TOGARAM2: variants seen among roughly 807,000 people sequenced by gnomAD.
TOGARAM2 encodes the protein TOG array regulator of axonemal microtubules protein 2.
A neutral mutation model predicts 93.3 loss-of-function variants in TOGARAM2; 85 were observed. The ratio of observed to expected loss-of-function variants is 0.91; its 90% CI spans 0.76 to 1.09. TOGARAM2 has a LOEUF of 1.09. Ranked by LOEUF, TOGARAM2 falls within the 50% of genes least tolerant of loss-of-function variation. TOGARAM2 has a pLI of 0.00. For missense variants in TOGARAM2, 1,277 were observed against 1,334.5 expected (o/e 0.96, Z 0.67); for synonymous variants, 593 against 552.8 (o/e 1.07, Z -1.02).
rs1671726866 is a variant in TOGARAM2 at position 28,956,961 on chromosome 2, C to T, written c.-147+264C>T. 6.6e-6 allele frequency among the ~76,000 whole-genome samples: 1 copy of T among 151,892 alleles called. No individual in the cohort carries two copies. The highest frequency in any genetic ancestry group is 2.4e-5 in the African/African-American group (1 of 41,372). On this transcript the variant is annotated intron_variant, in intron 1 of 6. Transcript: ENST00000401723. This position sits in a 1 kb window ranked among gnomAD's most constrained non-coding sequence, Gnocchi z 4.5. ...CCAACATGGCGAACCCCTGTCTCTA[C>T]TAAAAGTACAAAAATTGGCCGGGAA...
chr2:29,005,087 T>C (rs1247231887), intron 6 of TOGARAM2, among the ~76,000 whole-genome samples: 1 of 86,366 alleles, frequency 1.2e-5, no homozygotes, highest in African/African-American at 3.9e-5. Flanking sequence ...CATGTGTATG[T>C]GTGAGTGCAT....
chr2:28,986,419 G>T (rs943570933), intron 1 of TOGARAM2, among the ~76,000 whole-genome samples: 4 of 152,094 alleles, frequency 2.6e-5, no homozygotes, highest in African/African-American at 9.7e-5. Flanking sequence ...CACATTCCTC[G>T]GCTGCGTTGG....
At chr2:29,001,510 T>A (rs1026492966) in intron 4 of TOGARAM2, among the ~76,000 whole-genome samples, 4 of 151,942 alleles carry the variant, frequency 2.6e-5, no homozygotes, top group African/African-American at 9.7e-5. Context: ...TAATCTTTTT[T>A]TTTTTTTTGA....
chr2:29,033,711 A>C, intron 16 of TOGARAM2, 148 bp downstream of exon 16: 1 of 674,962 alleles, frequency 1.5e-6, no homozygotes, highest in Non-Finnish European at 2.5e-6. Flanking sequence ...CTAATAGATG[A>C]ATTTGCAGGA....
At chr2:29,037,604 G>A (rs1241724985) in intron 18 of TOGARAM2, among the ~76,000 whole-genome samples, 2 of 152,006 alleles carry the variant, frequency 1.3e-5, no homozygotes, top group Non-Finnish European at 2.9e-5. Context: ...CCACTTCCTG[G>A]CCTGAGCCCA....
chr2:28,984,887 G>A (rs963498696), intron 1 of TOGARAM2, among the ~76,000 whole-genome samples: 1 of 152,218 alleles, frequency 6.6e-6, no homozygotes, highest in African/African-American at 2.4e-5. Flanking sequence ...CCATTTTGGG[G>A]AGGCCTTGAT....
chr2:28,976,372 A>AC (rs1477068018), upstream of TOGARAM2, among the ~76,000 whole-genome samples: 19 of 143,010 alleles, frequency 1.3e-4, no homozygotes, highest in East Asian at 8.9e-4. Flanking sequence ...CTCCATCTCA[A>AC]AAACAACAAC....
At chr2:29,023,909 G>T (rs1665143588) in intron 12 of TOGARAM2, among the ~76,000 whole-genome samples, 2 of 152,200 alleles carry the variant, frequency 1.3e-5, no homozygotes, top group South Asian at 4.1e-4. Context: ...AAGACAGAGT[G>T]TACACATTTC....
At chr2:29,006,389 C>A (rs993752427) in intron 6 of TOGARAM2, among the ~76,000 whole-genome samples, 1 of 122,132 alleles carries the variant, frequency 8.2e-6, no homozygotes, top group Admixed American at 8.4e-5. Context: ...TGTGTGAGTG[C>A]GTGTGTGTGA....
chr2:29,019,147 G>A (rs563557993), intron 10 of TOGARAM2, among the ~76,000 whole-genome samples: 1 of 148,962 alleles, frequency 6.7e-6, no homozygotes, highest in South Asian at 2.2e-4. Context: ...TTGATACTGA[G>A]AACTATTGAT....
chr2:29,032,559 C>T (rs560924414), intron 14 of TOGARAM2, among the ~76,000 whole-genome samples: 6 of 152,050 alleles, frequency 3.9e-5, no homozygotes, highest in South Asian at 2.1e-4. Context: ...AGCCATTCAA[C>T]GGAATATTTT....
chr2:29,001,059 G>A (rs1673265090), intron 4 of TOGARAM2, among the ~76,000 whole-genome samples: 1 of 152,212 alleles, frequency 6.6e-6, no homozygotes, highest in Non-Finnish European at 1.5e-5. Context: ...CAAGCATGGA[G>A]GGCCGGGGAT....
chr2:28,983,266 G>A (rs915821508), intron 1 of TOGARAM2, among the ~76,000 whole-genome samples: 6 of 102,238 alleles, frequency 5.9e-5, no homozygotes, highest in Non-Finnish European at 1.1e-4. Context: ...GCCTGGTCTC[G>A]AATTCCTGGC....
At chr2:28,981,704 C>T (rs1012836843) in intron 1 of TOGARAM2, among the ~76,000 whole-genome samples, 166 bp downstream of exon 1, 5 of 152,234 alleles carry the variant, frequency 3.3e-5, no homozygotes, top group East Asian at 3.8e-4. Context: ...GCTGTGTGAC[C>T]GTGGGGATGT....
chr2:29,035,580 C>A lies in TOGARAM2; in HGVS notation c.2342C>A (p.Ser781Tyr). The stretch of plus-strand genomic sequence containing the variant: ...CTGCTGGAGGCCAAGGACTTCCGGT[C>A]CCGGATGGAAGGCGTGGGGCAGCTC... Reference protein sequence around the residue: ...TRLLEAKDFRSRMEGVGQLLE... With the variant: ...TRLLEAKDFRYRMEGVGQLLE... The change falls in exon 17 of 20, where the codon TCC (serine) becomes TAC (tyrosine). Residue 781 changes from serine (S) to tyrosine (Y), a missense_variant. Ser to Tyr is a moderately radical substitution (Grantham distance 144, BLOSUM62 -2). Transcript: ENST00000379558. The A allele has an allele frequency of 6.3e-7, 1 of 1,591,606 alleles. No homozygotes were observed.
chr2:28,982,610 T>C (rs749458177), intron 1 of TOGARAM2, among the ~76,000 whole-genome samples: 10 of 151,898 alleles, frequency 6.6e-5, no homozygotes, highest in African/African-American at 1.7e-4. Context: ...GGGGAGGTAG[T>C]TGGGGGCAAG....
At chr2:29,033,898 A>G (rs1054194877) in intron 16 of TOGARAM2, among the ~76,000 whole-genome samples, 2 of 151,958 alleles carry the variant, frequency 1.3e-5, no homozygotes, top group African/African-American at 4.8e-5. Flanking sequence ...AGATCCTTTA[A>G]CCACCAGAGT....
chr2:29,026,241 T>C (rs11692447), intron 13 of TOGARAM2, among the ~76,000 whole-genome samples: 30,536 of 152,144 alleles, frequency 0.2, 3,179 homozygotes, highest in Middle Eastern at 0.3. Context: ...GCCTTTTTTT[T>C]CTGGAGATAC....
chr2:29,023,685 C>A (rs1488180836), intron 12 of TOGARAM2, among the ~76,000 whole-genome samples: 1 of 152,126 alleles, frequency 6.6e-6, no homozygotes, highest in East Asian at 1.9e-4. Flanking sequence ...GTTTTGTTAA[C>A]ACAGGGGCCT....
Sources: gnomAD v4.1 joint callset for allele counts (sites outside exome capture counted in the v4.1 genomes callset) on GRCh38, gnomAD v4.1.1 for gene constraint, Gnocchi (gnomAD v3.1) non-coding constraint, MANE v1.5 for transcripts, NCBI Gene and HGNC (gene_info 2026-07-23, HGNC 2026-07-21) for gene names.